The following PIK3C2B variants were observed in gnomAD, a reference collection of about 807,000 sequenced individuals.
PIK3C2B encodes phosphatidylinositol-4-phosphate 3-kinase catalytic subunit type 2 beta.
In PIK3C2B, 83 loss-of-function variants were observed where a neutral mutation model predicts 184.3. The observed-to-expected ratio is 0.45, with a 90% CI of 0.38 to 0.54. The LOEUF (loss-of-function observed/expected upper bound fraction) is 0.54. Ranked by LOEUF, PIK3C2B falls within the 20% of genes least tolerant of loss-of-function variation. The pLI is 0.00. For missense variants in PIK3C2B, 1,736 were observed against 2,113.5 expected (o/e 0.82, Z 3.50); for synonymous variants, 779 against 837.6 (o/e 0.93, Z 1.21).
chr1:204,425,642 T>C lies in PIK3C2B; in HGVS notation c.4687A>G (p.Lys1563Glu). Residue 1563 changes from lysine to glutamate, a missense_variant, in exon 32 of 33, where the codon AAA becomes GAA. Around this residue, in one of 8 missense-constraint regions of PIK3C2B, gnomAD observed 95 missense variants for 164.2 expected, o/e 0.58. Transcript: ENST00000684373. Reference sequence around the variant, plus strand: ...TCATTGTAGGTAGGATTGCAGGTTTTCCGGGCCACTTTGGTTTTCCTCTTA... The same window carrying C: ...TCATTGTAGGTAGGATTGCAGGTTTCCCGGGCCACTTTGGTTTTCCTCTTA... ...TTKRKTKVAR[K>E]TCNPTYNEML... The C allele has an allele frequency of 6.2e-7, 1 of 1,614,194 alleles. No individual in the cohort carries two copies. The highest frequency in any genetic ancestry group is 8.5e-7 in the Non-Finnish European group (1 of 1,180,024).
At chr1:204,465,177 C>A in intron 3 of PIK3C2B, 42 bp downstream of exon 3, 1 of 926,072 alleles carries the variant, frequency 1.1e-6, no homozygotes, top group South Asian at 1.3e-5. Context: ...CTCCCCATCC[C>A]CCATAGCCCT....
chr1:204,449,141 G>A (rs185419626), intron 14 of PIK3C2B, 44 bp downstream of exon 14: 1 of 1,329,812 alleles, frequency 7.5e-7, no homozygotes, highest in African/African-American at 1.4e-5. Context: ...GAGTTGACTG[G>A]AATGGTCTTG....
chr1:204,492,638 G>A (rs557923606), intron 1 of PIK3C2B, among the ~76,000 whole-genome samples: 25 of 152,234 alleles, frequency 1.6e-4, no homozygotes, highest in African/African-American at 6.0e-4. Context: ...AAGACCAAAG[G>A]CATTCCAGAC....
chr1:204,457,049 T>G lies in PIK3C2B; in HGVS notation c.1735A>C (p.Arg579=), dbSNP rs759535521. Residue 579 remains arginine (R), a synonymous_variant, in exon 10 of 33, where the codon AGG becomes CGG. Transcript: ENST00000684373. The part of the protein sequence containing the change: ...IQKDPSVLAV[R]ENREKVVEAL... ...GCAGTTCCCTTACCTCGGTTTTCCC[T>G]CACAGCCAAGACACTGGGATCCTGT... is the stretch of plus-strand genomic sequence containing the variant. 5 of 1,566,924 alleles carry G rather than the reference T, an allele frequency of 3.2e-6. No homozygotes were observed. The highest frequency in any genetic ancestry group is 1.7e-4 in the Middle Eastern group (1 of 5,998).
At chr1:204,450,319 C>T (rs1161611617) in intron 12 of PIK3C2B, among the ~76,000 whole-genome samples, 1 of 152,206 alleles carries the variant, frequency 6.6e-6, no homozygotes, top group African/African-American at 2.4e-5. Context: ...AGCAGAGCCA[C>T]CTCGGAGTTC....
At chr1:204,490,585 T>C (rs189089858) in intron 1 of PIK3C2B, among the ~76,000 whole-genome samples, 1 of 152,254 alleles carries the variant, frequency 6.6e-6, no homozygotes, top group East Asian at 1.9e-4. Flanking sequence ...AGGGAAGTGA[T>C]GGCCCAGGTC....
chr1:204,424,317 C>T lies in PIK3C2B; in HGVS notation c.*535G>A, dbSNP rs747108675. On this transcript the variant is annotated 3_prime_UTR_variant, in exon 33 of 33. Coordinates refer to ENST00000684373, the MANE Select transcript of PIK3C2B (RefSeq NM_001377334.1). ...CCAGATAGTTCCTATAGCTAGAAAA[C>T]GAAACAACAACAACAATAACAAAAA... 5.9e-5 allele frequency: 12 copies of T among 202,838 alleles called. No individual in the cohort carries two copies. The highest frequency in any genetic ancestry group is 9.6e-5 in the African/African-American group (4 of 41,772). The allele number at this position is 202,838 out of a possible 1,614,324, so 12.6% of individuals were successfully genotyped here. A position where few individuals can be genotyped will look rare whatever the true frequency, so the allele number is the denominator to read the frequency against.
intron 29 of PIK3C2B, chr1:204,428,964 C>T (rs1278361839): frequency 6.6e-6 from 3 of 452,010 alleles, no homozygotes; most frequent in African/African-American, 6.0e-5. Flanking sequence ...TGGTTCATGC[C>T]TATAATTCCA....
intron 23 of PIK3C2B, among the ~76,000 whole-genome samples, chr1:204,437,379 C>T (rs1675406416): frequency 6.6e-6 from 1 of 152,124 alleles, no homozygotes; most frequent in Admixed American, 6.6e-5. Flanking sequence ...CCTATAATCC[C>T]AGCTACTTGG....
Position 204,454,853 on chromosome 1 carries a change from GC to G in PIK3C2B, c.1944-63del, listed in dbSNP as rs1572341787. On this transcript the variant is annotated intron_variant, in intron 11 of 32. Transcript: ENST00000684373. ...CCCAAAACCAATCACCCAAACCTAT[GC>G]GTCCCTCTAAGGCCAAAATCCATTT... 53 of 1,558,934 alleles carry G rather than the reference GC, an allele frequency of 3.4e-5. No individual in the cohort carries two copies. In the East Asian group the frequency reaches 1.2e-3, roughly 35 times the overall value.
chr1:204,429,074 A>G (rs1316706178), intron 29 of PIK3C2B, among the ~76,000 whole-genome samples: 3 of 152,046 alleles, frequency 2.0e-5, no homozygotes, highest in Non-Finnish European at 4.4e-5. Context: ...AAAAAAATAC[A>G]AAAATTAGCC....
At position 204,464,201 on chromosome 1, in the gene PIK3C2B, C is replaced by A. The variant is rs970474298; in HGVS notation, c.1190-69G>T. 5.2e-6 allele frequency: 8 copies of A among 1,546,072 alleles called. No homozygotes were observed. The Admixed American group carries it at 1.2e-4, about 24-fold the overall frequency. On this transcript the variant is annotated intron_variant, in intron 4 of 32. Coordinates refer to ENST00000684373, the MANE Select transcript of PIK3C2B (RefSeq NM_001377334.1). ...GGCAGATGGGTCTCAGTTTCCCCAC[C>A]CTGATCCCCCTTTCCAGCTAAGTAT...
At chr1:204,425,434 T>C (rs554059752) in intron 32 of PIK3C2B, among the ~76,000 whole-genome samples, 179 bp downstream of exon 32, 12 of 152,372 alleles carry the variant, frequency 7.9e-5, no homozygotes, top group African/African-American at 2.4e-4. Context: ...ATATGGTCTA[T>C]GTTACAACTA....
chr1:204,430,085 G>T, intron 28 of PIK3C2B, 47 bp from the exon 29 acceptor site: 1 of 1,193,560 alleles, frequency 8.4e-7, no homozygotes, highest in Non-Finnish European at 1.2e-6. Flanking sequence ...TGAAGATGGG[G>T]AAAGAAAATG....
rs1005409129 is a variant in PIK3C2B, at chr1:204,457,808, C to A, written c.1633G>T (p.Ala545Ser). 1.2e-6 allele frequency: 2 copies of A among 1,612,678 alleles called. No homozygotes were observed. The highest frequency in any genetic ancestry group is 1.7e-5 in the Admixed American group (1 of 59,798). Reference protein sequence around the residue: ...SVKAICNALAAVETPEITSAL... With the variant: ...SVKAICNALASVETPEITSAL... ...CTGGTGATCTCAGGGGTTTCCACGG[C>A]GGCCAGGGCGTTGCAGATGGCCTTG... The change falls in exon 9 of 33, where the codon GCC becomes TCC. Residue 545 changes from alanine to serine, a missense_variant. Physicochemically the swap from Ala to Ser is moderately conservative, Grantham distance 99. Coordinates refer to ENST00000684373, the MANE Select transcript of PIK3C2B (RefSeq NM_001377334.1).
Position 204,469,647 on chromosome 1 carries a change from G to T in PIK3C2B, c.156C>A (p.Asn52Lys), listed in dbSNP as rs116752498. The change falls in exon 2 of 33, where the codon AAC becomes AAA. Residue 52 changes from asparagine to lysine, a missense_variant. By Grantham distance (94) the Asn-to-Lys change is moderately conservative. This residue lies in a region of PIK3C2B where 404 missense variants were observed against 418.0 expected (regional missense o/e 0.97). Coordinates refer to ENST00000684373, the MANE Select transcript of PIK3C2B (RefSeq NM_001377334.1). The stretch of plus-strand genomic sequence containing the variant: ...CCCAGCTGATGAGAGAGGGGTCTGC[G>T]TTCTGCTTGGCTCTGTTCTCCTCCT... ...HDKEENRAKQ[N>K]ADPSLISWDE... The T allele has an allele frequency of 6.2e-7, 1 of 1,613,712 alleles. No individual in the cohort carries two copies. Among genetic ancestry groups the T allele is most frequent in the African/African-American group, 1.3e-5 (1 of 75,004 alleles).
chr1:204,468,497 C>T (rs577978567), intron 2 of PIK3C2B, among the ~76,000 whole-genome samples: 4 of 152,300 alleles, frequency 2.6e-5, no homozygotes, highest in South Asian at 2.1e-4. Context: ...TCAGAGCAAG[C>T]GGAAGCAACT....
In PIK3C2B at chr1:204,431,693, A is replaced by G; in HGVS notation, c.4256T>C (p.Leu1419Pro). 1.2e-6 allele frequency: 2 copies of G among 1,614,172 alleles called. No individual in the cohort carries two copies. Among genetic ancestry groups the G allele is most frequent in the Non-Finnish European group, 1.7e-6 (2 of 1,180,038 alleles). The change falls in exon 28 of 33, where the codon CTC (leucine) becomes CCC (proline). Residue 1419 changes from leucine to proline, a missense_variant. Physicochemically the swap from Leu to Pro is moderately conservative, Grantham distance 98. Coordinates refer to ENST00000684373, the MANE Select transcript of PIK3C2B (RefSeq NM_001377334.1). ...CCTGGGCAAGTGGGAAGAAGGGAAG[A>G]GCAGCCGCAACTTATTGTGTAATTC... Reference protein sequence around the residue: ...FQELHNKLRLLFPSSHLPSFP... With the variant: ...FQELHNKLRLPFPSSHLPSFP...
chr1:204,469,817 A>T lies in PIK3C2B; in HGVS notation c.-15T>A. 1 of 1,579,064 alleles carries T rather than the reference A, an allele frequency of 6.3e-7. No individual in the cohort carries two copies. Reference sequence around the variant, plus strand: ...GTCGAAGACATGGTGAGGATGGGGGACACAGGCAACAAAGTCTCTACTTCC... The same window carrying T: ...GTCGAAGACATGGTGAGGATGGGGGTCACAGGCAACAAAGTCTCTACTTCC... On this transcript the variant is annotated 5_prime_UTR_variant, in exon 2 of 33. Coordinates refer to ENST00000684373, the MANE Select transcript of PIK3C2B (RefSeq NM_001377334.1).
Sources: allele counts gnomAD v4.1 joint callset (sites outside exome capture counted in the v4.1 genomes callset), GRCh38; gene constraint gnomAD v4.1.1; regional missense constraint gnomAD v4.1.1; transcripts MANE v1.5; gene names NCBI Gene and HGNC (gene_info 2026-07-23, HGNC 2026-07-21).